Variants in EFHB observed in about 807,000 individuals in gnomAD.
EFHB encodes the protein EF-hand domain family member B.
EFHB carries 91 observed loss-of-function variants against 87.2 expected under a neutral mutation model. The observed-to-expected ratio is 1.04, with a 90% CI of 0.88 to 1.24. The LOEUF (loss-of-function observed/expected upper bound fraction) is 1.24, where lower values mean the gene tolerates loss of function less well. Among genes scored for constraint, EFHB ranks in the 50% most tolerant of loss-of-function variants. EFHB has a pLI of 0.00. For missense variants in EFHB, 1,084 were observed against 998.8 expected (o/e 1.09, Z -1.15); for synonymous variants, 325 against 333.6 (o/e 0.97, Z 0.28).
chr3:19,884,738 C>A, intron 10 of EFHB, 123 bp from the exon 11 acceptor site: 1 of 883,436 alleles, frequency 1.1e-6, no homozygotes, highest in Non-Finnish European at 1.7e-6. Context: ...GCTGGCATGA[C>A]CCCTCCACTG....
At chr3:19,928,001 T>C (rs1011863006) in intron 1 of EFHB, among the ~76,000 whole-genome samples, 1 of 150,140 alleles carries the variant, frequency 6.7e-6, no homozygotes, top group African/African-American at 2.4e-5. Flanking sequence ...ATACATAACA[T>C]ATAAAGAAAG....
chr3:19,891,572 A>C (rs1694306535), intron 9 of EFHB, among the ~76,000 whole-genome samples: 1 of 152,188 alleles, frequency 6.6e-6, no homozygotes. Context: ...TAAACCTGTT[A>C]TATTTTTACT....
At chr3:19,884,009 G>C (rs1479577160) in intron 11 of EFHB, among the ~76,000 whole-genome samples, 1 of 152,182 alleles carries the variant, frequency 6.6e-6, no homozygotes, top group African/African-American at 2.4e-5. Context: ...AACACATGGG[G>C]AATGAATATG....
chr3:19,888,020 G>A (rs992392559), intron 10 of EFHB, among the ~76,000 whole-genome samples: 3 of 152,098 alleles, frequency 2.0e-5, no homozygotes, highest in Non-Finnish European at 2.9e-5. Flanking sequence ...ATTAAAAAGT[G>A]AATCTCATTG....
intron 1 of EFHB, among the ~76,000 whole-genome samples, chr3:19,939,230 C>T (rs1696092635): frequency 6.6e-6 from 1 of 151,950 alleles, no homozygotes; most frequent in South Asian, 2.1e-4. Context: ...CTGCTTTTGC[C>T]CCTGTTGTCC....
intron 3 of EFHB, among the ~76,000 whole-genome samples, chr3:19,919,003 A>C (rs1170080882): frequency 2.0e-5 from 3 of 151,504 alleles, no homozygotes; most frequent in African/African-American, 7.3e-5. Flanking sequence ...AAAAAAGAAG[A>C]AAAGTGAAAA....
intron 8 of EFHB, among the ~76,000 whole-genome samples, chr3:19,897,503 T>C (rs1309163796): frequency 6.6e-6 from 1 of 152,164 alleles, no homozygotes; most frequent in Non-Finnish European, 1.5e-5. Context: ...TCTCTTCATT[T>C]TCCCTGGCGT....
At chr3:19,923,432 A>C (rs73190445) in intron 1 of EFHB, among the ~76,000 whole-genome samples, 4,626 of 152,292 alleles carry the variant, frequency 0.03, 232 homozygotes, top group African/African-American at 0.1. Context: ...ATGTCAGCTC[A>C]CTGCAACCTC....
intron 1 of EFHB, among the ~76,000 whole-genome samples, chr3:19,921,586 G>C (rs1695438142): frequency 6.6e-6 from 1 of 152,018 alleles, no homozygotes; most frequent in South Asian, 2.1e-4. Flanking sequence ...GTGAGAGGCT[G>C]GGGGGGCCAA....
intron 10 of EFHB, among the ~76,000 whole-genome samples, chr3:19,884,869 A>T (rs1031969078): frequency 6.6e-6 from 1 of 151,874 alleles, no homozygotes; most frequent in African/African-American, 2.4e-5. Context: ...AAGCTTTGAA[A>T]TATGAGAGAC....
At chr3:19,919,682 G>T in intron 3 of EFHB, 151 bp downstream of exon 3, 1 of 805,218 alleles carries the variant, frequency 1.2e-6, no homozygotes, top group Non-Finnish European at 1.9e-6. Context: ...TACTGCTCAA[G>T]ATAAATGCTT....
intron 5 of EFHB, among the ~76,000 whole-genome samples, chr3:19,912,954 G>A (rs1695111699): frequency 6.6e-6 from 1 of 152,160 alleles, no homozygotes; most frequent in African/African-American, 2.4e-5. Context: ...AATTTATGCT[G>A]AAAAAGCATC....
intron 10 of EFHB, 107 bp downstream of exon 10, chr3:19,888,337 G>A: frequency 1.9e-6 from 1 of 540,080 alleles, no homozygotes; most frequent in Non-Finnish European, 2.6e-6. Context: ...GGGCAAGTAG[G>A]ACCAGCCTGG....
chr3:19,928,468 T>G (rs1695707446), intron 1 of EFHB, among the ~76,000 whole-genome samples: 1 of 152,214 alleles, frequency 6.6e-6, no homozygotes, highest in African/African-American at 2.4e-5. Context: ...GTTTGTTTGT[T>G]TGAGGCGGAG....
At position 19,887,946 on chromosome 3, in the gene EFHB, T is replaced by C. The variant is rs367681449; in HGVS notation, c.1933+498A>G. Reference sequence around the variant, plus strand: ...ATATTTTGAGCTTCAGTGTAAGTTTTGTGCTTTTAATTTTTTTGAATAAAT... The same window carrying C: ...ATATTTTGAGCTTCAGTGTAAGTTTCGTGCTTTTAATTTTTTTGAATAAAT... On this transcript the variant is annotated intron_variant, in intron 10 of 12. Transcript: ENST00000295824. Among the ~76,000 whole-genome samples, 48 of 152,322 alleles carry C rather than the reference T, an allele frequency of 3.2e-4. 1 individual carries two copies. The South Asian group carries it at 9.9e-3, about 32-fold the overall frequency.
intron 1 of EFHB, among the ~76,000 whole-genome samples, chr3:19,923,261 C>G (rs1399223994): frequency 6.6e-6 from 1 of 151,076 alleles, no homozygotes; most frequent in African/African-American, 2.4e-5. Context: ...GAGTGAAACT[C>G]TGTCTCAAAA....
chr3:19,883,280 C>A (rs1238046652), intron 11 of EFHB, among the ~76,000 whole-genome samples: 1 of 152,172 alleles, frequency 6.6e-6, no homozygotes, highest in Non-Finnish European at 1.5e-5. Context: ...GGATTATGGG[C>A]ATGAGCCACC....
chr3:19,927,556 T>G (rs530266120), intron 1 of EFHB, among the ~76,000 whole-genome samples: 1 of 152,282 alleles, frequency 6.6e-6, no homozygotes, highest in African/African-American at 2.4e-5. Flanking sequence ...AACCATAGGA[T>G]GAGTATTCCT....
In EFHB at chr3:19,927,262, T is replaced by C. The variant is rs555578808; in HGVS notation, c.789+5968A>G. Among the ~76,000 whole-genome samples, 18 of 152,340 alleles carry C rather than the reference T, an allele frequency of 1.2e-4. No homozygotes were observed. In the South Asian group the frequency reaches 3.3e-3, roughly 28 times the overall value. On this transcript the variant is annotated intron_variant, in intron 1 of 12. Transcript: ENST00000295824. The stretch of plus-strand genomic sequence containing the variant: ...CTCGGGATAGCTTAGAAAATAACCA[T>C]TGTAGAGATTTTGATCTCTGACAGT...
Sources: allele counts gnomAD v4.1 joint callset (sites outside exome capture counted in the v4.1 genomes callset), GRCh38; gene constraint gnomAD v4.1.1; transcripts MANE v1.5; gene names NCBI Gene and HGNC (gene_info 2026-07-23, HGNC 2026-07-21).